The following RPH3AL variants were observed in gnomAD, a reference collection of about 807,000 sequenced individuals.
The protein encoded by RPH3AL is rabphilin 3A like (without C2 domains), also known as rab effector Noc2.
A neutral mutation model predicts 43.1 loss-of-function variants in RPH3AL; 38 were observed. The ratio of observed to expected loss-of-function variants is 0.88; its 90% CI spans 0.68 to 1.15. The LOEUF (loss-of-function observed/expected upper bound fraction) is 1.15, where lower values mean the gene tolerates loss of function less well. Ranked by LOEUF, RPH3AL falls within the 50% of genes most tolerant of loss-of-function variation. The pLI, the probability that RPH3AL is intolerant of heterozygous loss-of-function variation, is 0.00. For synonymous variants in RPH3AL, 189 were observed against 176.3 expected (o/e 1.07, Z -0.57); for missense variants, 462 against 423.2 (o/e 1.09, Z -0.81).
chr17:223,880 C>T (rs1472630700), intron 7 of RPH3AL, among the ~76,000 whole-genome samples: 2 of 152,134 alleles, frequency 1.3e-5, no homozygotes, highest in Non-Finnish European at 2.9e-5. Flanking sequence ...AGCAGAGCGG[C>T]CAGCACACAG....
chr17:277,850 G>GTC (rs1449624191), intron 6 of RPH3AL, among the ~76,000 whole-genome samples: 4 of 152,146 alleles, frequency 2.6e-5, no homozygotes, highest in African/African-American at 9.7e-5. Context: ...AGCTATTCGG[G>GTC]AGGCTGAGGG....
At chr17:349,993 T>C (rs931937268) in intron 1 of RPH3AL, among the ~76,000 whole-genome samples, 2 of 152,200 alleles carry the variant, frequency 1.3e-5, no homozygotes, top group African/African-American at 2.4e-5. Context: ...CCAAGTTAAA[T>C]AGTGTGTCCA....
At chr17:345,000 C>T (rs1002577857) in intron 1 of RPH3AL, among the ~76,000 whole-genome samples, 1 of 135,706 alleles carries the variant, frequency 7.4e-6, no homozygotes, top group Non-Finnish European at 1.7e-5. Context: ...AATCAAAAAC[C>T]ATCCTGGCCT....
At position 225,945 on chromosome 17, in the gene RPH3AL, C is replaced by G. The variant is rs2041096870; in HGVS notation, c.614-6209G>C. 6.6e-6 allele frequency among the ~76,000 whole-genome samples: 1 copy of G among 152,226 alleles called. No homozygotes were observed. The highest frequency in any genetic ancestry group is 1.5e-5 in the Non-Finnish European group (1 of 68,046). Reference sequence around the variant, plus strand: ...TCCCCACTCTTCCTTGTTCTGTCATCTATCACACATGGTCACAGAGTTGGG... The same window carrying G: ...TCCCCACTCTTCCTTGTTCTGTCATGTATCACACATGGTCACAGAGTTGGG... On this transcript the variant is annotated intron_variant, in intron 7 of 9. Coordinates refer to ENST00000331302, the MANE Select transcript of RPH3AL (RefSeq NM_006987.4). The surrounding 1 kb of genome is among the most constrained non-coding windows in gnomAD (Gnocchi z 4.4).
In RPH3AL at chr17:344,828, C is replaced by T; in HGVS notation, c.-213+7884G>A. On this transcript the variant is annotated intron_variant, in intron 1 of 9. Coordinates refer to ENST00000331302, the MANE Select transcript of RPH3AL (RefSeq NM_006987.4). ...TGTCACCATCAGTCATCACTATTCT[C>T]ATCATCATCCTCTTCTGTATTGGGG... 1.5e-5 allele frequency among the ~76,000 whole-genome samples: 2 copies of T among 135,970 alleles called. 1 individual carries two copies. Among genetic ancestry groups the T allele is most frequent in the South Asian group, 4.8e-4 (2 of 4,164 alleles). 89.2% of individuals were successfully genotyped at this position (135,970 alleles called of 152,430 possible).
chr17:309,216 G>C (rs569587448), intron 5 of RPH3AL, among the ~76,000 whole-genome samples: 26 of 152,300 alleles, frequency 1.7e-4, no homozygotes, highest in African/African-American at 6.3e-4. Flanking sequence ...GATCGATTGA[G>C]CCCAGGAGTT....
intron 6 of RPH3AL, among the ~76,000 whole-genome samples, chr17:258,762 T>TC (rs1423496436): frequency 1.3e-5 from 2 of 149,408 alleles, no homozygotes; most frequent in Non-Finnish European, 3.0e-5. Context: ...AACCCGTTTT[T>TC]TTTTTTTTTT....
intron 6 of RPH3AL, among the ~76,000 whole-genome samples, chr17:252,247 T>C (rs1555542823): frequency 6.6e-6 from 1 of 152,128 alleles, no homozygotes; most frequent in Non-Finnish European, 1.5e-5. Flanking sequence ...AGTGCTGGGA[T>C]TACAAACACG....
At chr17:227,815 A>T (rs577721635) in intron 7 of RPH3AL, among the ~76,000 whole-genome samples, 1 of 152,298 alleles carries the variant, frequency 6.6e-6, no homozygotes, top group South Asian at 2.1e-4. Flanking sequence ...AGGAAGAGAG[A>T]TATTTTCAGC....
intron 2 of RPH3AL, among the ~76,000 whole-genome samples, chr17:329,987 A>C (rs1033380755): frequency 6.6e-6 from 1 of 152,250 alleles, no homozygotes; most frequent in African/African-American, 2.4e-5. Context: ...CATTTGTGAC[A>C]GGATAAAACC....
In RPH3AL at chr17:323,670, G is replaced by A. The variant is rs1013321171; in HGVS notation, c.78-2255C>T. On this transcript the variant is annotated intron_variant, in intron 3 of 9. Coordinates refer to ENST00000331302, the MANE Select transcript of RPH3AL (RefSeq NM_006987.4). This position sits in a 1 kb window ranked among gnomAD's most constrained non-coding sequence, Gnocchi z 4.4. The stretch of plus-strand genomic sequence containing the variant: ...GGTCCCAGGAACACACAGAAGGAGG[G>A]ACAGAAGCATCAGCACCGCCACCAC... 2.0e-5 allele frequency among the ~76,000 whole-genome samples: 3 copies of A among 152,148 alleles called. No homozygotes were observed. Among genetic ancestry groups the A allele is most frequent in the Non-Finnish European group, 2.9e-5 (2 of 68,016 alleles).
chr17:305,273 G>A (rs75754942), intron 5 of RPH3AL, among the ~76,000 whole-genome samples: 6 of 151,962 alleles, frequency 3.9e-5, no homozygotes, highest in Non-Finnish European at 8.8e-5. Flanking sequence ...TGGGACTCAG[G>A]GTCAAAGCCA....
intron 6 of RPH3AL, among the ~76,000 whole-genome samples, chr17:272,747 A>G (rs1036651118): frequency 7.1e-6 from 1 of 140,054 alleles, no homozygotes; most frequent in African/African-American, 2.6e-5. Context: ...CCTAGAACTT[A>G]AAGTATTATT....
Position 337,428 on chromosome 17 carries a change from G to A in RPH3AL, c.-212-3494C>T, listed in dbSNP as rs550172765. Among the ~76,000 whole-genome samples, 11 of 152,204 alleles carry A rather than the reference G, an allele frequency of 7.2e-5. No individual in the cohort carries two copies. In the South Asian group the frequency reaches 1.5e-3, roughly 20 times the overall value. The stretch of plus-strand genomic sequence containing the variant: ...CCAACAAAATTTTATCTTAAAAACC[G>A]CCTCACGGCATAAGGCTCAGCCTCG... On this transcript the variant is annotated intron_variant, in intron 1 of 9. Coordinates refer to ENST00000331302, the MANE Select transcript of RPH3AL (RefSeq NM_006987.4).
Position 322,082 on chromosome 17 carries a change from A to AG in RPH3AL, c.78-668dup, listed in dbSNP as rs2044498190. On this transcript the variant is annotated intron_variant, in intron 3 of 9. Coordinates refer to ENST00000331302, the MANE Select transcript of RPH3AL (RefSeq NM_006987.4). The surrounding 1 kb of genome is among the most constrained non-coding windows in gnomAD (Gnocchi z 4.0). The stretch of plus-strand genomic sequence containing the variant: ...ACTAGCAGGTTCGAGGCGGGGGGGA[A>AG]GCGAGTTACAGAAGAGGAGCCGTGG... Among the ~76,000 whole-genome samples, 3 of 152,130 alleles carry AG rather than the reference A, an allele frequency of 2.0e-5. No homozygotes were observed. Among genetic ancestry groups the AG allele is most frequent in the Admixed American group, 1.3e-4 (2 of 15,272 alleles).
rs2042631280 is a variant in RPH3AL at position 275,443 on chromosome 17, T to A, written c.438+6325A>T. 2.6e-5 allele frequency among the ~76,000 whole-genome samples: 4 copies of A among 152,182 alleles called. No homozygotes were observed. In the South Asian group the frequency reaches 6.2e-4, roughly 24 times the overall value. ...AATACACACAGATCCACCTTGTTTA[T>A]GTCACATTCAAACACAAGCAGAACT... is the stretch of plus-strand genomic sequence containing the variant. On this transcript the variant is annotated intron_variant, in intron 6 of 9. Coordinates refer to ENST00000331302, the MANE Select transcript of RPH3AL (RefSeq NM_006987.4).
intron 7 of RPH3AL, among the ~76,000 whole-genome samples, chr17:223,082 C>G (rs772546363): frequency 6.6e-6 from 1 of 151,558 alleles, no homozygotes; most frequent in Non-Finnish European, 1.5e-5. Flanking sequence ...CCCAGCTACT[C>G]GGGAGGCTGA....
chr17:285,490 C>G (rs74942606), intron 5 of RPH3AL, among the ~76,000 whole-genome samples: 2 of 152,194 alleles, frequency 1.3e-5, no homozygotes, highest in Non-Finnish European at 2.9e-5. Flanking sequence ...AGTGCAGCCC[C>G]TCGTACCGTG....
At position 305,296 on chromosome 17, in the gene RPH3AL, G is replaced by A. The variant is rs185563122; in HGVS notation, c.351+14124C>T. Among the ~76,000 whole-genome samples the A allele has an allele frequency of 1.2e-4, 18 of 152,036 alleles. No individual in the cohort carries two copies. The East Asian group carries it at 2.7e-3, about 23-fold the overall frequency. ...AGGGTCAAAGCCAAGCTGAGGCAAC[G>A]TCGAGATGGCGCGTAACAGCCCTCA... is the stretch of plus-strand genomic sequence containing the variant. On this transcript the variant is annotated intron_variant, in intron 5 of 9. Coordinates refer to ENST00000331302, the MANE Select transcript of RPH3AL (RefSeq NM_006987.4).
Sources: allele counts gnomAD v4.1 joint callset (sites outside exome capture counted in the v4.1 genomes callset), GRCh38; gene constraint gnomAD v4.1.1; non-coding constraint Gnocchi (gnomAD v3.1); transcripts MANE v1.5; gene names NCBI Gene and HGNC (gene_info 2026-07-23, HGNC 2026-07-21).